Variants in BFAR observed in about 807,000 individuals in gnomAD.
BFAR encodes RING finger protein 47.
Under a neutral mutation model 54.4 loss-of-function variants are expected in BFAR, and 52 were observed. The ratio of observed to expected loss-of-function variants is 0.96; its 90% CI spans 0.77 to 1.21. The LOEUF is 1.21. Ranked by LOEUF, BFAR falls within the 50% of genes most tolerant of loss-of-function variation. BFAR has a pLI of 0.00. For missense variants in BFAR, 571 were observed against 534.0 expected (o/e 1.07, Z -0.68); for synonymous variants, 215 against 204.3 (o/e 1.05, Z -0.45).
intron 1 of BFAR, among the ~76,000 whole-genome samples, chr16:14,635,926 G>A (rs1959419975): frequency 6.6e-6 from 1 of 152,160 alleles, no homozygotes; most frequent in Non-Finnish European, 1.5e-5. Context: ...CACTGCCCCG[G>A]CCTAATGCTT....
intron 5 of BFAR, among the ~76,000 whole-genome samples, chr16:14,656,941 A>G (rs988063461): frequency 1.3e-5 from 2 of 152,042 alleles, no homozygotes; most frequent in Non-Finnish European, 2.9e-5. Context: ...CATCTCTACT[A>G]AAAACACAAA....
intron 1 of BFAR, among the ~76,000 whole-genome samples, chr16:14,633,977 C>G (rs1411419741): frequency 6.6e-6 from 1 of 152,110 alleles, no homozygotes; most frequent in Non-Finnish European, 1.5e-5. Flanking sequence ...ATTAAAAAAG[C>G]CGGCGGGAGG....
chr16:14,669,147 TTGAG>T lies in BFAR; in HGVS notation c.*1324_*1327del, dbSNP rs1960527131. Reference sequence around the variant, plus strand: ...AACCATTCATTAACCCTTTGTATCTTTGAGTGAAAATTTTACTCAAAAGTTGCAT... The same window carrying T: ...AACCATTCATTAACCCTTTGTATCTTTGAAAATTTTACTCAAAAGTTGCAT... On this transcript the variant is annotated 3_prime_UTR_variant, in exon 8 of 8. Transcript: ENST00000261658. 2 of 357,318 alleles carry T rather than the reference TTGAG, an allele frequency of 5.6e-6. No homozygotes were observed. The highest frequency in any genetic ancestry group is 2.0e-5 in the South Asian group (1 of 49,726). The allele number at this position is 357,318 out of a possible 1,614,324, so 22.1% of individuals were successfully genotyped here. A position where few individuals can be genotyped will look rare whatever the true frequency, so the allele number is the denominator to read the frequency against.
intron 4 of BFAR, among the ~76,000 whole-genome samples, chr16:14,650,869 A>G (rs911719216): frequency 2.0e-5 from 3 of 152,172 alleles, no homozygotes; most frequent in African/African-American, 7.2e-5. Flanking sequence ...ACTGAGTCAT[A>G]TGGTAACTCT....
At chr16:14,639,363 A>T (rs935368792) in intron 1 of BFAR, among the ~76,000 whole-genome samples, 3 of 151,714 alleles carry the variant, frequency 2.0e-5, no homozygotes, top group African/African-American at 7.3e-5. Flanking sequence ...GCTGGAGTGC[A>T]GTGGTGCAAT....
chr16:14,645,811 T>C (rs1212467906), intron 2 of BFAR, among the ~76,000 whole-genome samples: 2 of 152,196 alleles, frequency 1.3e-5, no homozygotes, highest in Non-Finnish European at 2.9e-5. Flanking sequence ...TCTTATAAAC[T>C]GATTTTAATA....
Position 14,662,067 on chromosome 16 carries a change from T to C in BFAR, c.957+2T>C, listed in dbSNP as rs1960306663. ...GAGGACATCGTCACCAAGCTTCTGG[T>C]AGGTCTGCACAGTGCCTGGAATAAA... On this transcript the variant is annotated splice_donor_variant, in intron 6 of 7. Transcript: ENST00000261658. LOFTEE classifies it high-confidence loss of function. The C allele has an allele frequency of 6.2e-7, 1 of 1,614,122 alleles. No homozygotes were observed. The highest frequency in any genetic ancestry group is 8.5e-7 in the Non-Finnish European group (1 of 1,179,968).
intron 2 of BFAR, among the ~76,000 whole-genome samples, chr16:14,645,231 C>A (rs1959756392): frequency 6.6e-6 from 1 of 151,950 alleles, no homozygotes; most frequent in Non-Finnish European, 1.5e-5. Context: ...GGGAGGATTG[C>A]TTGAGCCTGG....
intron 1 of BFAR, among the ~76,000 whole-genome samples, chr16:14,642,222 T>C (rs555795874): frequency 3.9e-5 from 6 of 152,336 alleles, no homozygotes; most frequent in African/African-American, 1.2e-4. Context: ...AGAAATAGTA[T>C]GAATAATCAT....
chr16:14,662,040 G>T lies in BFAR; in HGVS notation c.932G>T (p.Gly311Val). The change falls in exon 6 of 8, where the codon GGG becomes GTG. Residue 311 changes from glycine (G) to valine (V), a missense_variant. Coordinates refer to ENST00000261658, the MANE Select transcript of BFAR (RefSeq NM_016561.3). Reference protein sequence around the residue: ...TICPLQEDSSGEDIVTKLLDL... With the variant: ...TICPLQEDSSVEDIVTKLLDL... Reference sequence around the variant, plus strand: ...TGCCCTCTGCAAGAAGACAGCTCTGGGGAGGACATCGTCACCAAGCTTCTG... The same window carrying T: ...TGCCCTCTGCAAGAAGACAGCTCTGTGGAGGACATCGTCACCAAGCTTCTG... The T allele has an allele frequency of 6.2e-7, 1 of 1,614,116 alleles. No homozygotes were observed. Among genetic ancestry groups the T allele is most frequent in the Non-Finnish European group, 8.5e-7 (1 of 1,180,012 alleles).
chr16:14,655,307 T>C (rs1201038141), intron 5 of BFAR, 97 bp downstream of exon 5: 1 of 966,918 alleles, frequency 1.0e-6, no homozygotes, highest in Non-Finnish European at 1.4e-6. Flanking sequence ...TTTTTGACAG[T>C]TTATGTACTT....
intron 1 of BFAR, among the ~76,000 whole-genome samples, chr16:14,639,527 C>T (rs1035382975): frequency 6.6e-6 from 1 of 152,048 alleles, no homozygotes; most frequent in African/African-American, 2.4e-5. Flanking sequence ...AGGCTTGTCT[C>T]GAATTCCTAA....
chr16:14,639,221 C>T (rs1959547164), intron 1 of BFAR, among the ~76,000 whole-genome samples: 1 of 152,072 alleles, frequency 6.6e-6, no homozygotes, highest in South Asian at 2.1e-4. Context: ...TCTCCAACTC[C>T]TGGAATCAAG....
intron 6 of BFAR, among the ~76,000 whole-genome samples, chr16:14,664,522 C>A (rs919823675): frequency 2.0e-5 from 3 of 151,460 alleles, no homozygotes. Flanking sequence ...TTTTTTGAGA[C>A]ACAGTCTCCC....
At chr16:14,665,112 A>G in intron 7 of BFAR, 41 bp downstream of exon 7, 1 of 1,515,220 alleles carries the variant, frequency 6.6e-7, no homozygotes, top group Non-Finnish European at 9.1e-7. Context: ...GGGATGGGAA[A>G]GAAATACCAA....
intron 1 of BFAR, among the ~76,000 whole-genome samples, chr16:14,641,361 G>A (rs1037734396): frequency 9.5e-4 from 145 of 152,268 alleles, no homozygotes; most frequent in African/African-American, 3.3e-3. Context: ...CATATGTGCA[G>A]AGAACAACTG....
chr16:14,645,314 AAAAAG>A (rs1959760324), intron 2 of BFAR, among the ~76,000 whole-genome samples: 1 of 152,106 alleles, frequency 6.6e-6, no homozygotes, highest in Admixed American at 6.6e-5. Context: ...TGTCTCAAAA[AAAAAG>A]AAAGAAAGAA....
At chr16:14,650,105 T>A (rs1959926670) in intron 4 of BFAR, 132 bp downstream of exon 4, 7 of 883,084 alleles carry the variant, frequency 7.9e-6, no homozygotes, top group Non-Finnish European at 9.7e-6. Flanking sequence ...ATCGATCATT[T>A]GAGGTCAGGA....
At chr16:14,655,736 G>T (rs1211941367) in intron 5 of BFAR, among the ~76,000 whole-genome samples, 1 of 152,032 alleles carries the variant, frequency 6.6e-6, no homozygotes, top group South Asian at 2.1e-4. Context: ...CACCGCGCCT[G>T]GCCTGTTTTA....
Sources: gnomAD v4.1 joint callset for allele counts (sites outside exome capture counted in the v4.1 genomes callset) on GRCh38, gnomAD v4.1.1 for gene constraint, MANE v1.5 for transcripts, NCBI Gene and HGNC (gene_info 2026-07-23, HGNC 2026-07-21) for gene names.